The following ATAD2 variants were observed in gnomAD, a reference collection of about 807,000 sequenced individuals.
The protein encoded by ATAD2 is ATPase family AAA domain containing 2.
ATAD2 carries 62 observed loss-of-function variants against 168.9 expected under a neutral mutation model. That is an observed-to-expected ratio of 0.37 (90% CI 0.30 to 0.45). The LOEUF is 0.45. Ranked by LOEUF, ATAD2 falls within the 20% of genes least tolerant of loss-of-function variation. The pLI, the probability that ATAD2 is intolerant of heterozygous loss-of-function variation, is 1.00. For synonymous variants in ATAD2, 613 were observed against 571.6 expected, an observed-to-expected ratio of 1.07 and a Z score of -1.03; for missense variants, 1,419 against 1,667.8, an observed-to-expected ratio of 0.85 and a Z score of 2.60.
At chr8:123,329,096 C>A (rs531395369) in intron 24 of ATAD2, among the ~76,000 whole-genome samples, 4 of 152,002 alleles carry the variant, frequency 2.6e-5, no homozygotes, top group Non-Finnish European at 4.4e-5. Flanking sequence ...CCACCGCACC[C>A]GGCCTATCTT....
At chr8:123,378,055 C>CT (rs766873548) in intron 2 of ATAD2, among the ~76,000 whole-genome samples, 8 of 152,148 alleles carry the variant, frequency 5.3e-5, no homozygotes, top group Non-Finnish European at 1.2e-4. Flanking sequence ...AAGAATAAAC[C>CT]TTAAGACTTC....
intron 19 of ATAD2, among the ~76,000 whole-genome samples, chr8:123,344,094 A>G (rs1304183745): frequency 6.6e-6 from 1 of 152,154 alleles, no homozygotes; most frequent in Non-Finnish European, 1.5e-5. Flanking sequence ...AAAAATCCAC[A>G]TACCAGTGCT....
intron 8 of ATAD2, among the ~76,000 whole-genome samples, chr8:123,368,009 A>G (rs936973405): frequency 1.3e-5 from 2 of 152,166 alleles, no homozygotes; most frequent in East Asian, 3.8e-4. Context: ...ATATTAAGGG[A>G]AAAAAATTAC....
intron 11 of ATAD2, among the ~76,000 whole-genome samples, chr8:123,358,575 G>A (rs1376379269): frequency 3.9e-5 from 6 of 152,002 alleles, no homozygotes; most frequent in African/African-American, 1.2e-4. Flanking sequence ...CTTGAACTCC[G>A]GACCTTGTGA....
intron 1 of ATAD2, among the ~76,000 whole-genome samples, chr8:123,381,815 C>A (rs757597844): frequency 2.0e-5 from 3 of 152,062 alleles, no homozygotes; most frequent in Non-Finnish European, 4.4e-5. Flanking sequence ...TTGAGGTGGG[C>A]GGATCACTTG....
chr8:123,324,374 G>A (rs968341037), intron 26 of ATAD2, among the ~76,000 whole-genome samples: 5 of 152,146 alleles, frequency 3.3e-5, no homozygotes, highest in African/African-American at 9.7e-5. Context: ...TTTCAGACTT[G>A]AAATGTGGCC....
intron 23 of ATAD2, 44 bp downstream of exon 23, chr8:123,334,140 ATATTCTGAAATTCATT>A: frequency 6.5e-7 from 1 of 1,542,734 alleles, no homozygotes. Context: ...TGAAATTCAT[ATATTCTGAAATTCATT>A]GATAATATTA....
intron 1 of ATAD2, 30 bp from the exon 2 acceptor site, chr8:123,380,707 GT>G (rs1321804820): frequency 6.3e-7 from 1 of 1,585,758 alleles, no homozygotes; most frequent in Admixed American, 1.9e-5. Context: ...AGCCATCTAA[GT>G]TTTTCTTTAC....
At chr8:123,416,165 C>T (rs1199926219) in intron 1 of ATAD2, 1 of 152,310 alleles carries the variant, frequency 6.6e-6, no homozygotes, top group East Asian at 1.9e-4. Context: ...CCACTCCCCT[C>T]TTCTCTGGGC....
intron 2 of ATAD2, among the ~76,000 whole-genome samples, chr8:123,373,953 C>T (rs942177888): frequency 6.6e-6 from 1 of 152,106 alleles, no homozygotes. Flanking sequence ...AATATTACAA[C>T]TTAAAGTAAA....
At position 123,371,809 on chromosome 8, in the gene ATAD2, A is replaced by G. The variant is rs767713180; in HGVS notation, c.397T>C (p.Leu133=). ...EDKVIPVTRS[L]RARNIVQSTE... is the part of the protein sequence containing the mutation. ...CTTTGAACGATGTTTCTAGCCCTCA[A>G]TGACCGAGTAACTGGAATCACTTTG... The change falls in exon 4 of 28, where the codon TTG becomes CTG. Residue 133 remains leucine, a synonymous_variant. Coordinates refer to ENST00000287394, the MANE Select transcript of ATAD2 (RefSeq NM_014109.4). The G allele has an allele frequency of 1.6e-5, 26 of 1,604,302 alleles. No homozygotes were observed. The African/African-American group carries it at 2.5e-4, about 16-fold the overall frequency.
chr8:123,361,786 T>C, intron 8 of ATAD2, 140 bp from the exon 9 acceptor site: 1 of 577,812 alleles, frequency 1.7e-6, no homozygotes, highest in Non-Finnish European at 3.0e-6. Context: ...GACATAAACT[T>C]TGTTCGCTGA....
chr8:123,407,238 T>G (rs1187512847), intron 1 of ATAD2, among the ~76,000 whole-genome samples: 1 of 152,194 alleles, frequency 6.6e-6, no homozygotes, highest in Non-Finnish European at 1.5e-5. Context: ...TCCAGACTCT[T>G]GAACTGTGAG....
rs748452923 is a variant in ATAD2, at chr8:123,361,568, C to T, written c.1128G>A (p.Arg376=). Residue 376 remains arginine (R), a synonymous_variant, in exon 9 of 28, where the codon AGG becomes AGA. Transcript: ENST00000287394. ...TGATAGCCCTATTACGACTCCTTTT[C>T]CTCCGCCTCTCAAAGTGCTGTTCAT... The part of the protein sequence containing the change: ...SEDEQHFERR[R]KRSRNRAINR... The T allele has an allele frequency of 1.2e-6, 2 of 1,613,428 alleles. No homozygotes were observed. Among genetic ancestry groups the T allele is most frequent in the Admixed American group, 1.7e-5 (1 of 60,014 alleles).
chr8:123,372,740 A>G (rs1829185175), intron 2 of ATAD2, 54 bp from the exon 3 acceptor site: 1 of 1,398,584 alleles, frequency 7.2e-7, no homozygotes, highest in Non-Finnish European at 9.7e-7. Flanking sequence ...CTTTATTTTT[A>G]TTTATTTAGA....
At chr8:123,393,110 G>A (rs1339775926) in intron 1 of ATAD2, among the ~76,000 whole-genome samples, 8 of 151,690 alleles carry the variant, frequency 5.3e-5, no homozygotes, top group African/African-American at 1.5e-4. Flanking sequence ...GCGTGAACCC[G>A]GGAGGTGGAG....
At chr8:123,326,519 GA>G (rs940159310) in intron 25 of ATAD2, among the ~76,000 whole-genome samples, 37 of 150,356 alleles carry the variant, frequency 2.5e-4, no homozygotes, top group East Asian at 5.9e-4. Flanking sequence ...AAAAAAAAAA[GA>G]AAAAAAAATT....
intron 27 of ATAD2, 87 bp downstream of exon 27, chr8:123,322,851 T>C (rs79183158): frequency 1.3e-5 from 18 of 1,392,210 alleles, no homozygotes; most frequent in Admixed American, 1.1e-4. Flanking sequence ...CTTACACAGA[T>C]TAAATAAAGC....
intron 24 of ATAD2, among the ~76,000 whole-genome samples, chr8:123,331,608 G>A (rs1827775301): frequency 6.6e-6 from 1 of 152,168 alleles, no homozygotes; most frequent in Admixed American, 6.5e-5. Context: ...GGGTACTACA[G>A]CTGCAGACCT....
Sources: gnomAD v4.1 joint callset for allele counts (sites outside exome capture counted in the v4.1 genomes callset) on GRCh38, gnomAD v4.1.1 for gene constraint, MANE v1.5 for transcripts, NCBI Gene and HGNC (gene_info 2026-07-23, HGNC 2026-07-21) for gene names.